The following KIAA1755 variants were observed in gnomAD, a reference collection of about 807,000 sequenced individuals.
KIAA1755 encodes KIAA1755.
Under a neutral mutation model 91.7 loss-of-function variants are expected in KIAA1755, and 68 were observed. The observed-to-expected ratio is 0.74, with a 90% CI of 0.61 to 0.91. The LOEUF (loss-of-function observed/expected upper bound fraction) is 0.91, where lower values mean the gene tolerates loss of function less well. Ranked by LOEUF, KIAA1755 falls within the 40% of genes least tolerant of loss-of-function variation. The pLI is 0.00. For missense variants in KIAA1755, 1,535 were observed against 1,494.4 expected, an observed-to-expected ratio of 1.03 and a Z score of -0.45; for synonymous variants, 610 against 604.6, an observed-to-expected ratio of 1.01 and a Z score of -0.13.
chr20:38,246,477 C>T (rs1027209418), intron 1 of KIAA1755, among the ~76,000 whole-genome samples: 14 of 152,142 alleles, frequency 9.2e-5, no homozygotes, highest in African/African-American at 3.1e-4. Context: ...GCATTCAGGT[C>T]AGGGTCAAAG....
chr20:38,213,778 G>A, intron 13 of KIAA1755, 35 bp from the exon 14 acceptor site: 1 of 1,387,132 alleles, frequency 7.2e-7, no homozygotes, highest in Non-Finnish European at 9.5e-7. Flanking sequence ...TGGGGGCTCA[G>A]GCTGGAAGTG....
intron 9 of KIAA1755, chr20:38,222,981 C>T: frequency 3.1e-6 from 1 of 319,784 alleles, no homozygotes; most frequent in Non-Finnish European, 6.0e-6. Flanking sequence ...CCCAGCCCAA[C>T]TCTTCCTTGG....
At chr20:38,215,067 C>G (rs1438686622) in intron 13 of KIAA1755, among the ~76,000 whole-genome samples, 1 of 152,252 alleles carries the variant, frequency 6.6e-6, no homozygotes, top group Non-Finnish European at 1.5e-5. Context: ...CGCTCCCCAC[C>G]AGGGGCTGAG....
At chr20:38,216,909 T>G in intron 13 of KIAA1755, 3 of 519,176 alleles carry the variant, frequency 5.8e-6, no homozygotes, top group East Asian at 5.1e-5. Context: ...TCTCTTCTCT[T>G]TGGGGAAGCA....
chr20:38,239,683 G>C lies in KIAA1755; in HGVS notation c.1592C>G (p.Pro531Arg). 1 of 1,612,330 alleles carries C rather than the reference G, an allele frequency of 6.2e-7. No homozygotes were observed. Among genetic ancestry groups the C allele is most frequent in the Non-Finnish European group, 8.5e-7 (1 of 1,179,660 alleles). Residue 531 changes from proline (P) to arginine (R), a missense_variant, in exon 4 of 14, where the codon CCC becomes CGC. By Grantham distance (103) the Pro-to-Arg change is moderately radical. Transcript: ENST00000279024. Reference sequence around the variant, plus strand: ...AGCCTTTTCCTCAGTCAGTGGGCTGGGGGCAGTGGCTGGGCCAGATGTTTT... The same window carrying C: ...AGCCTTTTCCTCAGTCAGTGGGCTGCGGGCAGTGGCTGGGCCAGATGTTTT... ...QTKTSGPATA[P>R]SPLTEEKAAL...
chr20:38,213,784 A>AGGTGGGGGCTC, intron 13 of KIAA1755, 41 bp from the exon 14 acceptor site: 1 of 1,366,372 alleles, frequency 7.3e-7, no homozygotes, highest in Non-Finnish European at 9.7e-7. Flanking sequence ...CTCAGGCTGG[A>AGGTGGGGGCTC]AGTGGGACCA....
chr20:38,259,505 G>A (rs996619684), intron 1 of KIAA1755, among the ~76,000 whole-genome samples: 1 of 141,010 alleles, frequency 7.1e-6, no homozygotes, highest in African/African-American at 2.7e-5. Context: ...GTGTGTGAGT[G>A]CCTGCGTGTG....
At chr20:38,260,126 C>T in intron 1 of KIAA1755, 1 of 1,164,042 alleles carries the variant, frequency 8.6e-7, no homozygotes, top group Non-Finnish European at 1.1e-6. Flanking sequence ...CATCCAAACT[C>T]CCTGCCGGGA....
At chr20:38,221,149 T>G (rs919189848) in intron 10 of KIAA1755, among the ~76,000 whole-genome samples, 3 of 152,026 alleles carry the variant, frequency 2.0e-5, no homozygotes, top group African/African-American at 7.2e-5. Context: ...CCAGGGTGCG[T>G]GAATAGGATA....
At chr20:38,256,765 T>G (rs1295840915) in intron 1 of KIAA1755, among the ~76,000 whole-genome samples, 1 of 152,116 alleles carries the variant, frequency 6.6e-6, no homozygotes, top group Admixed American at 6.5e-5. Context: ...ATCATACCAC[T>G]GTACTCCATC....
Position 38,223,406 on chromosome 20 carries a change from G to T in KIAA1755, c.2268+132C>A. The T allele has an allele frequency of 9.6e-6, 6 of 626,878 alleles. 2 individuals are homozygous for T. Among genetic ancestry groups the T allele is most frequent in the Middle Eastern group, 5.1e-4 (2 of 3,902 alleles). 38.8% of individuals were successfully genotyped at this position (626,878 alleles called of 1,614,324 possible). On this transcript the variant is annotated intron_variant, in intron 9 of 13. Transcript: ENST00000279024. ...TACAAAGTGGGTGCCCCTCAAATAT[G>T]AGTCAAATGAATGATGAAAAACAGG...
intron 1 of KIAA1755, chr20:38,260,286 A>G (rs1054906141): frequency 4.5e-6 from 7 of 1,549,366 alleles, no homozygotes; most frequent in African/African-American, 1.4e-5. Context: ...ATACACACAC[A>G]TGGAGAAGCC....
intron 1 of KIAA1755, among the ~76,000 whole-genome samples, chr20:38,247,438 A>C (rs2089672981): frequency 6.6e-6 from 1 of 151,462 alleles, no homozygotes; most frequent in Admixed American, 6.6e-5. Flanking sequence ...CACCTGGCCA[A>C]CTCCTCATTC....
In KIAA1755 at chr20:38,260,652, T is replaced by A; in HGVS notation, c.-152A>T. 1.1e-6 allele frequency: 1 copy of A among 884,048 alleles called. No individual in the cohort carries two copies. Among genetic ancestry groups the A allele is most frequent in the Non-Finnish European group, 1.5e-6 (1 of 645,916 alleles). The allele number at this position is 884,048 out of a possible 1,614,324, so 54.8% of individuals were successfully genotyped here. On this transcript the variant is annotated 5_prime_UTR_variant, in exon 1 of 14. The change abolishes an upstream ATG in the 5' untranslated region. Coordinates refer to ENST00000279024, the MANE Select transcript of KIAA1755 (RefSeq NM_001029864.2). ...GCCCGGGGCACCGACCCCGGCGTCA[T>A]CTCGGAGGAGCGGCCGGGGAGGACA...
chr20:38,222,754 A>G, intron 9 of KIAA1755, 157 bp from the exon 10 acceptor site: 2 of 776,456 alleles, frequency 2.6e-6, no homozygotes, highest in South Asian at 3.2e-5. Flanking sequence ...CCCTCTAGCC[A>G]TGTCCCCTCT....
chr20:38,238,096 T>C (rs1473574940), intron 4 of KIAA1755, among the ~76,000 whole-genome samples: 1 of 152,110 alleles, frequency 6.6e-6, no homozygotes, highest in Non-Finnish European at 1.5e-5. Flanking sequence ...GGGCAGTGAC[T>C]TCTCCAAGGA....
rs776317952 is a variant in KIAA1755 at position 38,241,442 on chromosome 20, G to C, written c.689C>G (p.Ala230Gly). ...ASSPDNQVLPAQSLAKGKGRT... is the reference protein window; with the variant it reads ...ASSPDNQVLPGQSLAKGKGRT... ...GCCCTTACCCTTGGCCAAACTCTGGGCAGGAAGCACCTGGTTGTCTGGGGA... is the reference window on the plus strand; with the variant it reads ...GCCCTTACCCTTGGCCAAACTCTGGCCAGGAAGCACCTGGTTGTCTGGGGA... The change falls in exon 3 of 14, where the codon GCC becomes GGC. Residue 230 changes from alanine (A) to glycine (G), a missense_variant. By Grantham distance (60) the Ala-to-Gly change is moderately conservative. Coordinates refer to ENST00000279024, the MANE Select transcript of KIAA1755 (RefSeq NM_001029864.2). The C allele has an allele frequency of 6.2e-7, 1 of 1,614,220 alleles. No individual in the cohort carries two copies. The highest frequency in any genetic ancestry group is 1.3e-5 in the African/African-American group (1 of 75,062).
chr20:38,244,050 C>A (rs2076112634), intron 2 of KIAA1755, among the ~76,000 whole-genome samples: 1 of 152,196 alleles, frequency 6.6e-6, no homozygotes, highest in South Asian at 2.1e-4. Context: ...TCACACATGA[C>A]TTCCCATTGC....
At chr20:38,224,798 A>T (rs1357651205) in intron 8 of KIAA1755, among the ~76,000 whole-genome samples, 1 of 152,120 alleles carries the variant, frequency 6.6e-6, no homozygotes, top group Non-Finnish European at 1.5e-5. Flanking sequence ...CCCTCGCCCT[A>T]TGTGTCCTCG....
Sources: allele counts gnomAD v4.1 joint callset (sites outside exome capture counted in the v4.1 genomes callset), GRCh38; gene constraint gnomAD v4.1.1; transcripts MANE v1.5; gene names NCBI Gene and HGNC (gene_info 2026-07-23, HGNC 2026-07-21).